DISC1: variants seen among roughly 807,000 people sequenced by gnomAD.
DISC1 encodes the protein DISC1 scaffold protein.
Under a neutral mutation model 84.5 loss-of-function variants are expected in DISC1, and 57 were observed. The observed-to-expected ratio is 0.67, with a 90% CI of 0.55 to 0.84. DISC1 has a LOEUF of 0.84. Among genes scored for constraint, DISC1 ranks in the 40% least tolerant of loss-of-function variants. The pLI is 0.00. For synonymous variants in DISC1, 411 were observed against 415.2 expected (o/e 0.99, Z 0.12); for missense variants, 1,000 against 1,057.8 (o/e 0.95, Z 0.76).
Position 231,985,988 on chromosome 1 carries a change from C to T in DISC1, c.2043-22797C>T, listed in dbSNP as rs142186562. On this transcript the variant is annotated intron_variant, in intron 10 of 12. Transcript: ENST00000439617. ...TGAGTCTTGTCATCAGGATGGGACT[C>T]ACTCTTGGATCCATCAACCAGCTAG... Among the ~76,000 whole-genome samples, 22 of 152,292 alleles carry T rather than the reference C, an allele frequency of 1.4e-4. No individual in the cohort carries two copies. In the East Asian group the frequency reaches 3.9e-3, roughly 27 times the overall value.
At chr1:231,718,341 T>C (rs2069068706) in intron 3 of DISC1, among the ~76,000 whole-genome samples, 3 of 152,226 alleles carry the variant, frequency 2.0e-5, no homozygotes, top group Admixed American at 6.5e-5. Context: ...ATGTTAAATA[T>C]GGCCTGCCAT....
intron 9 of DISC1, among the ~76,000 whole-genome samples, chr1:231,933,078 T>C (rs1339010935): frequency 6.6e-6 from 1 of 152,254 alleles, no homozygotes; most frequent in Non-Finnish European, 1.5e-5. Context: ...ACAGCAGCGA[T>C]GATAATAGTT....
chr1:231,680,717 A>T (rs1201721068), intron 1 of DISC1, among the ~76,000 whole-genome samples: 2 of 152,260 alleles, frequency 1.3e-5, no homozygotes, highest in East Asian at 3.8e-4. Context: ...ACTTACTTAA[A>T]AGATGCTCCA....
At chr1:231,715,789 T>C (rs1283496746) in intron 3 of DISC1, among the ~76,000 whole-genome samples, 1 of 152,188 alleles carries the variant, frequency 6.6e-6, no homozygotes, top group Non-Finnish European at 1.5e-5. Context: ...TATTTACATA[T>C]TTAGTTTTAA....
chr1:231,859,295 A>T (rs1318101344), intron 9 of DISC1, among the ~76,000 whole-genome samples: 5 of 152,200 alleles, frequency 3.3e-5, no homozygotes, highest in Non-Finnish European at 7.3e-5. Context: ...GTAACAAAGT[A>T]CCATAGACTG....
intron 9 of DISC1, among the ~76,000 whole-genome samples, chr1:231,912,118 C>T (rs2089256600): frequency 6.6e-6 from 1 of 152,196 alleles, no homozygotes; most frequent in Non-Finnish European, 1.5e-5. Flanking sequence ...TGGGTTCGAA[C>T]ATCCTCCTTT....
chr1:231,779,809 TCGG>T (rs1172797027), intron 6 of DISC1, among the ~76,000 whole-genome samples: 2 of 152,086 alleles, frequency 1.3e-5, no homozygotes, highest in Non-Finnish European at 2.9e-5. Flanking sequence ...TCCACCTGCC[TCGG>T]TCTCCCAAAG....
chr1:231,843,934 T>A (rs528439008), intron 9 of DISC1, among the ~76,000 whole-genome samples: 13 of 152,214 alleles, frequency 8.5e-5, no homozygotes, highest in Admixed American at 2.6e-4. Context: ...GGATTATAAT[T>A]AGAGCCGTGC....
chr1:231,667,277 C>A (rs900465021), intron 1 of DISC1, among the ~76,000 whole-genome samples: 5 of 152,232 alleles, frequency 3.3e-5, no homozygotes, highest in African/African-American at 7.2e-5. Context: ...GTTTAATTTG[C>A]ACACTTGAGC....
At chr1:231,871,013 G>A (rs2085418382) in intron 9 of DISC1, among the ~76,000 whole-genome samples, 1 of 152,020 alleles carries the variant, frequency 6.6e-6, no homozygotes, top group Admixed American at 6.6e-5. Flanking sequence ...ACAGCTATTG[G>A]GGGTGCACTG....
intron 3 of DISC1, among the ~76,000 whole-genome samples, chr1:231,732,588 G>A (rs1416467604): frequency 2.6e-5 from 4 of 152,138 alleles, no homozygotes; most frequent in African/African-American, 9.7e-5. Flanking sequence ...TTCATATTTC[G>A]ATGTGTGTCC....
chr1:231,987,910 C>T (rs1037397333), intron 10 of DISC1, among the ~76,000 whole-genome samples: 7 of 152,124 alleles, frequency 4.6e-5, no homozygotes, highest in South Asian at 2.1e-4. Context: ...CAACTTGGGC[C>T]TGGTATGGTG....
At position 231,793,994 on chromosome 1, in the gene DISC1, C is replaced by T. The variant is rs1010220872; in HGVS notation, c.1635-1248C>T. ...AGTCAGGGTTTCACCATGTTGGCCACGCTGCTCGCGAACTCCTGACTTCAG... is the reference window on the plus strand; with the variant it reads ...AGTCAGGGTTTCACCATGTTGGCCATGCTGCTCGCGAACTCCTGACTTCAG... On this transcript the variant is annotated intron_variant, in intron 6 of 12. Coordinates refer to ENST00000439617, the MANE Select transcript of DISC1 (RefSeq NM_018662.3). Among the ~76,000 whole-genome samples, 12 of 152,032 alleles carry T rather than the reference C, an allele frequency of 7.9e-5. No homozygotes were observed. The East Asian group carries it at 9.6e-4, about 12-fold the overall frequency.
At chr1:231,729,044 A>G (rs918110466) in intron 3 of DISC1, among the ~76,000 whole-genome samples, 3 of 151,428 alleles carry the variant, frequency 2.0e-5, no homozygotes, top group Admixed American at 6.6e-5. Context: ...TCCTGTGTCT[A>G]TGAGTTCTCA....
chr1:231,773,943 G>C (rs1344560704), intron 6 of DISC1, among the ~76,000 whole-genome samples: 3 of 151,992 alleles, frequency 2.0e-5, no homozygotes, highest in African/African-American at 7.2e-5. Flanking sequence ...AACCATGAAG[G>C]CTTCATGTAG....
At chr1:231,861,289 A>ATTATTTAT (rs141482042) in intron 9 of DISC1, among the ~76,000 whole-genome samples, 1 of 151,256 alleles carries the variant, frequency 6.6e-6, no homozygotes, top group African/African-American at 2.4e-5. Flanking sequence ...CATTGTTTTT[A>ATTATTTAT]TTATTTATTT....
intron 11 of DISC1, among the ~76,000 whole-genome samples, chr1:232,019,280 T>C (rs1206655804): frequency 6.6e-6 from 1 of 152,170 alleles, no homozygotes; most frequent in African/African-American, 2.4e-5. Flanking sequence ...TTACCTGTTA[T>C]AACTGCTTTT....
intron 3 of DISC1, among the ~76,000 whole-genome samples, chr1:231,718,174 T>C (rs896578075): frequency 6.6e-6 from 1 of 152,182 alleles, no homozygotes; most frequent in Non-Finnish European, 1.5e-5. Context: ...AATGGGTCCT[T>C]GGTTTCTATT....
At chr1:231,776,506 G>A (rs1301316102) in intron 6 of DISC1, among the ~76,000 whole-genome samples, 3 of 152,310 alleles carry the variant, frequency 2.0e-5, no homozygotes, top group Non-Finnish European at 2.9e-5. Context: ...TGGGAGCCTC[G>A]CGGCAGGGCT....
Sources: gnomAD v4.1 joint callset for allele counts (sites outside exome capture counted in the v4.1 genomes callset) on GRCh38, gnomAD v4.1.1 for gene constraint, MANE v1.5 for transcripts, NCBI Gene and HGNC (gene_info 2026-07-23, HGNC 2026-07-21) for gene names.